CCDC27: variants seen among roughly 807,000 people sequenced by gnomAD.
The protein encoded by CCDC27 is coiled-coil domain containing 27, also known as coiled-coil domain-containing protein 27.
CCDC27 carries 80 observed loss-of-function variants against 80.3 expected under a neutral mutation model. The ratio of observed to expected loss-of-function variants is 1.00; its 90% CI spans 0.83 to 1.20. The LOEUF is 1.20. Ranked by LOEUF, CCDC27 falls within the 50% of genes most tolerant of loss-of-function variation. The pLI is 0.00. For missense variants in CCDC27, 815 were observed against 809.4 expected (o/e 1.01, Z -0.08); for synonymous variants, 342 against 334.3 (o/e 1.02, Z -0.25).
intron 1 of CCDC27, 121 bp from the exon 2 acceptor site, chr1:3,753,997 C>A: frequency 6.9e-7 from 1 of 1,439,736 alleles, no homozygotes; most frequent in Non-Finnish European, 9.4e-7. Flanking sequence ...CTACATACGA[C>A]TCATAGGCAC....
At chr1:3,754,013 A>G in intron 1 of CCDC27, 105 bp from the exon 2 acceptor site, 1 of 1,507,688 alleles carries the variant, frequency 6.6e-7, no homozygotes, top group South Asian at 1.3e-5. Context: ...GGCACCTGCC[A>G]TTGGGGCGAT....
At chr1:3,755,368 G>A (rs1012624018) in intron 2 of CCDC27, 89 bp from the exon 3 acceptor site, 16 of 1,094,090 alleles carry the variant, frequency 1.5e-5, no homozygotes, top group Non-Finnish European at 2.0e-5. Flanking sequence ...TCCCTACCTG[G>A]TGTTTAAGGA....
At chr1:3,757,592 C>T (rs1642987745) in intron 4 of CCDC27, among the ~76,000 whole-genome samples, 1 of 151,934 alleles carries the variant, frequency 6.6e-6, no homozygotes, top group Non-Finnish European at 1.5e-5. Flanking sequence ...CAGGTGCGTA[C>T]CACCACACCT....
In CCDC27 at chr1:3,763,476, T is replaced by C; in HGVS notation, c.1321+2T>C. ...GGACCAGATACTCCCTTGCAACAGG[T>C]AGGGCCTCGGCGGGGGGCACTGGGC... On this transcript the variant is annotated splice_donor_variant, in intron 7 of 11. Transcript: ENST00000294600. LOFTEE classifies it high-confidence loss of function. The surrounding 1 kb of genome is among the most constrained non-coding windows in gnomAD (Gnocchi z 7.5). 1 of 1,589,464 alleles carries C rather than the reference T, an allele frequency of 6.3e-7. No individual in the cohort carries two copies. The highest frequency in any genetic ancestry group is 1.3e-5 in the African/African-American group (1 of 74,450).
chr1:3,763,278 G>C lies in CCDC27; in HGVS notation c.1125G>C (p.Glu375Asp), dbSNP rs370507015. Residue 375 changes from glutamate to aspartate, a missense_variant, in exon 7 of 12, where the codon GAG becomes GAC. Transcript: ENST00000294600. The surrounding 1 kb of genome is among the most constrained non-coding windows in gnomAD (Gnocchi z 7.5). The stretch of plus-strand genomic sequence containing the variant: ...AGGAGGGAAGCGAGGAGGAGGAAGA[G>C]GAGGAAGGGGACAGGGATGAGGACT... ...VHEEGSEEEE[E>D]EEGDRDEDSE... The C allele has an allele frequency of 2.5e-6, 4 of 1,592,502 alleles. No homozygotes were observed. The highest frequency in any genetic ancestry group is 3.4e-6 in the Non-Finnish European group (4 of 1,168,880).
intron 4 of CCDC27, among the ~76,000 whole-genome samples, chr1:3,759,093 A>C (rs1196578826): frequency 6.6e-6 from 1 of 151,874 alleles, no homozygotes; most frequent in Non-Finnish European, 1.5e-5. Flanking sequence ...GGCAGGTGCC[A>C]GTAATCCCAG....
At chr1:3,767,179 TACTC>T in intron 9 of CCDC27, 50 bp from the exon 10 acceptor site, 1 of 1,538,542 alleles carries the variant, frequency 6.5e-7, no homozygotes, top group East Asian at 2.3e-5. Context: ...GTGCCACACA[TACTC>T]AGGTTGGGCG....
chr1:3,763,445 C>A lies in CCDC27; in HGVS notation c.1292C>A (p.Ala431Asp). Residue 431 changes from alanine to aspartate, a missense_variant, in exon 7 of 12, where the codon GCC becomes GAC. Coordinates refer to ENST00000294600, the MANE Select transcript of CCDC27 (RefSeq NM_152492.3). This position sits in a 1 kb window ranked among gnomAD's most constrained non-coding sequence, Gnocchi z 7.5. ...VILDFQFNLE[A>D]TRTRYSLATG... ...CTGGACTTCCAGTTCAACCTGGAGGCCACCAGGACCAGATACTCCCTTGCA... is the reference window on the plus strand; with the variant it reads ...CTGGACTTCCAGTTCAACCTGGAGGACACCAGGACCAGATACTCCCTTGCA... 1.2e-6 allele frequency: 2 copies of A among 1,608,600 alleles called. No individual in the cohort carries two copies. The highest frequency in any genetic ancestry group is 1.7e-6 in the Non-Finnish European group (2 of 1,177,976).
At chr1:3,753,320 C>CTTTT (rs71580220) in intron 1 of CCDC27, among the ~76,000 whole-genome samples, 2 of 94,992 alleles carry the variant, frequency 2.1e-5, no homozygotes, top group African/African-American at 5.3e-5. Flanking sequence ...TTTTCTTTTT[C>CTTTT]TTTTTTTTTT....
chr1:3,758,710 C>T lies in CCDC27; in HGVS notation c.711+1820C>T, dbSNP rs1162335880. On this transcript the variant is annotated intron_variant, in intron 4 of 11. Transcript: ENST00000294600. ...CCCAGGGTTCAAGCAATCTTCCCACCTCAGCCTCTCGAATAGCTGGGACCA... is the reference window on the plus strand; with the variant it reads ...CCCAGGGTTCAAGCAATCTTCCCACTTCAGCCTCTCGAATAGCTGGGACCA... 5.3e-5 allele frequency among the ~76,000 whole-genome samples: 8 copies of T among 152,346 alleles called. No homozygotes were observed. In the East Asian group the frequency reaches 1.2e-3, roughly 22 times the overall value.
intron 4 of CCDC27, among the ~76,000 whole-genome samples, chr1:3,757,534 T>A (rs1010627297): frequency 2.0e-5 from 3 of 151,900 alleles, no homozygotes; most frequent in Non-Finnish European, 2.9e-5. Context: ...TTGAGCTCCC[T>A]GAGCTCAAGC....
chr1:3,766,673 C>G lies in CCDC27; in HGVS notation c.1530+61C>G. On this transcript the variant is annotated intron_variant, in intron 9 of 11. Coordinates refer to ENST00000294600, the MANE Select transcript of CCDC27 (RefSeq NM_152492.3). This position sits in a 1 kb window ranked among gnomAD's most constrained non-coding sequence, Gnocchi z 6.1. ...CCACTGTTCTTACTGTAAGTCCCAA[C>G]ACAGCAAAGGGCAAGACGGGGCTGG... is the stretch of plus-strand genomic sequence containing the variant. The G allele has an allele frequency of 7.1e-7, 1 of 1,416,152 alleles. No homozygotes were observed. Among genetic ancestry groups the G allele is most frequent in the Non-Finnish European group, 9.9e-7 (1 of 1,006,308 alleles). The allele number at this position is 1,416,152 out of a possible 1,614,324, so 87.7% of individuals were successfully genotyped here.
At position 3,766,451 on chromosome 1, in the gene CCDC27, G is replaced by A; in HGVS notation, c.1453-84G>A. 1 of 902,984 alleles carries A rather than the reference G, an allele frequency of 1.1e-6. No homozygotes were observed. The highest frequency in any genetic ancestry group is 1.5e-5 in the South Asian group (1 of 65,988). The allele number at this position is 902,984 out of a possible 1,614,324, so 55.9% of individuals were successfully genotyped here. ...CTGCTATTATTTTAGGGAGCTTTGGGGAAGGAAAAAAGTTAGATGCCGGAA... is the reference window on the plus strand; with the variant it reads ...CTGCTATTATTTTAGGGAGCTTTGGAGAAGGAAAAAAGTTAGATGCCGGAA... On this transcript the variant is annotated intron_variant, in intron 8 of 11. Coordinates refer to ENST00000294600, the MANE Select transcript of CCDC27 (RefSeq NM_152492.3). The surrounding 1 kb of genome is among the most constrained non-coding windows in gnomAD (Gnocchi z 6.1).
intron 1 of CCDC27, among the ~76,000 whole-genome samples, chr1:3,753,404 A>G (rs1570697478): frequency 6.8e-6 from 1 of 147,264 alleles, no homozygotes; most frequent in African/African-American, 2.5e-5. Context: ...GCTCACCGCA[A>G]CCTCCACCTC....
At position 3,752,514 on chromosome 1, in the gene CCDC27, A is replaced by G. The variant is rs956120563; in HGVS notation, c.33A>G (p.Gln11=). The G allele has an allele frequency of 1.9e-6, 3 of 1,613,926 alleles. No individual in the cohort carries two copies. In the African/African-American group the frequency reaches 4.0e-5, roughly 22 times the overall value. The part of the protein sequence containing the change: MFEAIFPSTP[Q]ARLKRDPREK... ...AGGCCATCTTCCCCTCCACACCCCA[A>G]GCCAGGCTGAAGAGAGATCCACGGG... is the stretch of plus-strand genomic sequence containing the variant. Residue 11 remains glutamine, a synonymous_variant, in exon 1 of 12, where the codon CAA becomes CAG. Transcript: ENST00000294600.
intron 8 of CCDC27, among the ~76,000 whole-genome samples, chr1:3,764,315 C>T (rs942017230): frequency 6.6e-6 from 1 of 152,142 alleles, no homozygotes; most frequent in Admixed American, 6.6e-5. Flanking sequence ...AAACCAGGAG[C>T]CTCTGACCTC....
intron 3 of CCDC27, 129 bp from the exon 4 acceptor site, chr1:3,756,604 T>G: frequency 1.1e-6 from 1 of 936,724 alleles, no homozygotes; most frequent in Non-Finnish European, 1.7e-6. Flanking sequence ...GGAGACAGAT[T>G]GGAGTCTGTC....
At position 3,768,437 on chromosome 1, in the gene CCDC27, G is replaced by A. The variant is rs190435277; in HGVS notation, c.1743+992G>A. On this transcript the variant is annotated intron_variant, in intron 10 of 11. Transcript: ENST00000294600. The surrounding 1 kb of genome is among the most constrained non-coding windows in gnomAD (Gnocchi z 5.6). ...AATCCAAAATTAAGCAAAGGTCAAG[G>A]TCATGTATGGAGGCTTTTGAAGTCA... 2.0e-5 allele frequency among the ~76,000 whole-genome samples: 3 copies of A among 152,164 alleles called. No homozygotes were observed. The highest frequency in any genetic ancestry group is 4.4e-5 in the Non-Finnish European group (3 of 68,038).
intron 8 of CCDC27, among the ~76,000 whole-genome samples, chr1:3,764,766 TG>T (rs1643188300): frequency 6.6e-6 from 1 of 152,188 alleles, no homozygotes; most frequent in Non-Finnish European, 1.5e-5. Context: ...CTGAGCACGA[TG>T]GCTCACACCT....
Sources: allele counts gnomAD v4.1 joint callset (sites outside exome capture counted in the v4.1 genomes callset), GRCh38; gene constraint gnomAD v4.1.1; non-coding constraint Gnocchi (gnomAD v3.1); transcripts MANE v1.5; gene names NCBI Gene and HGNC (gene_info 2026-07-23, HGNC 2026-07-21).